The following MEF2B variants were observed in gnomAD, a reference collection of about 807,000 sequenced individuals.
MEF2B encodes myocyte-specific enhancer factor 2B.
A neutral mutation model predicts 32.2 loss-of-function variants in MEF2B; 15 were observed. That is an observed-to-expected ratio of 0.47 (90% CI 0.31 to 0.72). The LOEUF (loss-of-function observed/expected upper bound fraction) is 0.72, where lower values mean the gene tolerates loss of function less well. Among genes scored for constraint, MEF2B ranks in the 30% least tolerant of loss-of-function variants. MEF2B has a pLI of 0.05. For synonymous variants in MEF2B, 205 were observed against 225.6 expected (o/e 0.91, Z 0.82); for missense variants, 441 against 511.5 (o/e 0.86, Z 1.33).
chr19:19,155,232 C>T (rs2060112313), intron 1 of MEF2B, among the ~76,000 whole-genome samples: 1 of 152,176 alleles, frequency 6.6e-6, no homozygotes, highest in African/African-American at 2.4e-5. Flanking sequence ...CAGCTCTTGC[C>T]TACTTCTCTC....
At position 19,153,072 on chromosome 19, in the gene MEF2B, T is replaced by C. The variant is rs137986276; in HGVS notation, c.-29-2308A>G. ...CCTGGGGGGTGGACGGGGGCCTTGG[T>C]CCGGAGGTCCCAGGGCCAAGATGAC... On this transcript the variant is annotated intron_variant, in intron 1 of 8. Transcript: ENST00000424583. Among the ~76,000 whole-genome samples, 9 of 152,224 alleles carry C rather than the reference T, an allele frequency of 5.9e-5. No homozygotes were observed. The East Asian group carries it at 1.7e-3, about 29-fold the overall frequency.
intron 1 of MEF2B, among the ~76,000 whole-genome samples, chr19:19,155,938 AGAGGTGGACCTATT>A (rs1173442831): frequency 2.0e-5 from 3 of 152,234 alleles, no homozygotes; most frequent in Admixed American, 6.5e-5. Flanking sequence ...GCAGAAGCAC[AGAGGTGGACCTATT>A]GACCAAGGAA....
chr19:19,150,319 G>C (rs1327398461), intron 2 of MEF2B, among the ~76,000 whole-genome samples: 6 of 151,788 alleles, frequency 4.0e-5, no homozygotes, highest in Admixed American at 6.6e-5. Context: ...CACGAGGTCA[G>C]GAGTTCGAGA....
At chr19:19,150,386 G>C (rs2060067226) in intron 2 of MEF2B, among the ~76,000 whole-genome samples, 2 of 151,938 alleles carry the variant, frequency 1.3e-5, no homozygotes, top group Admixed American at 1.3e-4. Flanking sequence ...AATTAGCTGG[G>C]CTTGGTGGTG....
Position 19,167,397 on chromosome 19 carries a change from G to C in MEF2B, c.-30+2808C>G, listed in dbSNP as rs986254735. On this transcript the variant is annotated intron_variant, in intron 1 of 8. Transcript: ENST00000424583. ...ATTAGCTGGGTGTGCTGGTGTGAGC[G>C]CGTATTCCTAGCTCCTCAGGAGGCT... Among the ~76,000 whole-genome samples, 3 of 150,510 alleles carry C rather than the reference G, an allele frequency of 2.0e-5. No homozygotes were observed. In the East Asian group the frequency reaches 5.8e-4, roughly 29 times the overall value.
rs762452595 is a variant in MEF2B, at chr19:19,146,550, T to G, written c.769+5A>C. ...AGGTGGGGCAGGGCAGGTTAGGGGA[T>G]GTACCTGGGGGGCCTCCGGGGAGGA... On this transcript the variant is annotated splice_donor_5th_base_variant and intron_variant, in intron 7 of 8. Coordinates refer to ENST00000424583, the MANE Select transcript of MEF2B (RefSeq NM_001145785.2). The G allele has an allele frequency of 1.3e-6, 2 of 1,550,542 alleles. No individual in the cohort carries two copies. Among genetic ancestry groups the G allele is most frequent in the East Asian group, 4.8e-5 (2 of 42,046 alleles).
chr19:19,158,459 A>C (rs929057111), intron 1 of MEF2B, among the ~76,000 whole-genome samples: 35 of 150,926 alleles, frequency 2.3e-4, no homozygotes, highest in East Asian at 1.4e-3. Flanking sequence ...AAAAAAAAAA[A>C]AAACAAACTA....
chr19:19,145,883 A>G lies in MEF2B; in HGVS notation c.1021T>C (p.Leu341=). The G allele has an allele frequency of 6.8e-7, 1 of 1,469,112 alleles. No individual in the cohort carries two copies. Among genetic ancestry groups the G allele is most frequent in the South Asian group, 1.4e-5 (1 of 72,344 alleles). 91.0% of individuals were successfully genotyped at this position (1,469,112 alleles called of 1,614,324 possible). A position where few individuals can be genotyped will look rare whatever the true frequency, so the allele number is the denominator to read the frequency against. The part of the protein sequence containing the change: ...GDFPKTFPYP[L]LLARSLAEPL... Reference sequence around the variant, plus strand: ...TCTGCCAGGGACCGGGCGAGGAGCAAGGGATAGGGGAAGGTCTTAGGAAAG... The same window carrying G: ...TCTGCCAGGGACCGGGCGAGGAGCAGGGGATAGGGGAAGGTCTTAGGAAAG... The change falls in exon 9 of 9, where the codon TTG becomes CTG. Residue 341 remains leucine (L), a synonymous_variant. Transcript: ENST00000424583. This position sits in a 1 kb window ranked among gnomAD's most constrained non-coding sequence, Gnocchi z 4.6.
intron 3 of MEF2B, among the ~76,000 whole-genome samples, chr19:19,148,389 C>T (rs1232491259): frequency 6.6e-6 from 1 of 152,150 alleles, no homozygotes; most frequent in African/African-American, 2.4e-5. Flanking sequence ...CACTTGAATC[C>T]GAGAGGCGGA....
chr19:19,169,395 G>C (rs1355318790), intron 1 of MEF2B, among the ~76,000 whole-genome samples: 1 of 151,958 alleles, frequency 6.6e-6, no homozygotes, highest in Non-Finnish European at 1.5e-5. Context: ...AGAAAATGGG[G>C]GTCTCACTAT....
intron 2 of MEF2B, 100 bp downstream of exon 2, chr19:19,150,582 C>T (rs1188145079): frequency 3.9e-5 from 56 of 1,453,968 alleles, no homozygotes; most frequent in Non-Finnish European, 5.3e-5. Flanking sequence ...CATGCCTCCT[C>T]ATTCCCCTGC....
chr19:19,147,383 C>T lies in MEF2B; in HGVS notation c.394-200G>A, dbSNP rs758588849. On this transcript the variant is annotated intron_variant, in intron 4 of 8. Coordinates refer to ENST00000424583, the MANE Select transcript of MEF2B (RefSeq NM_001145785.2). ...GGAGCTTCTGTCTGGCTCTGCCTGTCCTTGACAGGTAGGTCCAGAGCCAAG... is the reference window on the plus strand; with the variant it reads ...GGAGCTTCTGTCTGGCTCTGCCTGTTCTTGACAGGTAGGTCCAGAGCCAAG... Among the ~76,000 whole-genome samples the T allele has an allele frequency of 2.5e-4, 33 of 133,548 alleles. 8 individuals are homozygous for T. The highest frequency in any genetic ancestry group is 5.0e-4 in the Non-Finnish European group (30 of 60,298). 87.6% of individuals were successfully genotyped at this position (133,548 alleles called of 152,430 possible). A position where few individuals can be genotyped will look rare whatever the true frequency, so the allele number is the denominator to read the frequency against.
intron 2 of MEF2B, among the ~76,000 whole-genome samples, chr19:19,150,157 AGGG>A: frequency 9.7e-6 from 1 of 102,864 alleles, no homozygotes; most frequent in African/African-American, 3.8e-5. Flanking sequence ...GGAGGGAAGG[AGGG>A]AGGGAGGGAA....
chr19:19,146,256 C>G lies in MEF2B; in HGVS notation c.881+17G>C. ...GCTTTGGAGGACTGGGACTTGCCGT[C>G]GTCTCAGGGCACTTACCTGGGCTGG... On this transcript the variant is annotated intron_variant, in intron 8 of 8. Transcript: ENST00000424583. The G allele has an allele frequency of 8.6e-7, 1 of 1,162,894 alleles. No homozygotes were observed. Among genetic ancestry groups the G allele is most frequent in the Non-Finnish European group, 1.1e-6 (1 of 883,050 alleles). The allele number at this position is 1,162,894 out of a possible 1,614,324, so 72.0% of individuals were successfully genotyped here.
At chr19:19,153,791 C>A (rs947800258) in intron 1 of MEF2B, among the ~76,000 whole-genome samples, 20 of 152,072 alleles carry the variant, frequency 1.3e-4, no homozygotes, top group Admixed American at 1.3e-3. Flanking sequence ...TGCTCTGTTG[C>A]CCAGGCTGGA....
chr19:19,163,303 G>A (rs772584996), intron 1 of MEF2B, among the ~76,000 whole-genome samples: 39 of 151,958 alleles, frequency 2.6e-4, no homozygotes, highest in Admixed American at 4.6e-4. Flanking sequence ...GTAGCACGGC[G>A]CCACACCTAG....
intron 1 of MEF2B, among the ~76,000 whole-genome samples, chr19:19,160,616 C>G (rs2060152916): frequency 3.8e-5 from 1 of 26,328 alleles, no homozygotes; most frequent in Non-Finnish European, 7.3e-5. Flanking sequence ...AAGTGAGAGG[C>G]AGGTGGGTTG....
chr19:19,147,875 C>A (rs764851918), intron 3 of MEF2B, 43 bp from the exon 4 acceptor site: 1 of 1,585,682 alleles, frequency 6.3e-7, no homozygotes, highest in East Asian at 2.3e-5. Context: ...TACCCCTACC[C>A]CACCCAGGGA....
intron 1 of MEF2B, among the ~76,000 whole-genome samples, chr19:19,161,623 C>T (rs771447484): frequency 6.6e-6 from 1 of 151,904 alleles, no homozygotes; most frequent in African/African-American, 2.4e-5. Context: ...TCTCCCTAAA[C>T]ACATGGCCGT....
Sources: gnomAD v4.1 joint callset for allele counts (sites outside exome capture counted in the v4.1 genomes callset) on GRCh38, gnomAD v4.1.1 for gene constraint, Gnocchi (gnomAD v3.1) non-coding constraint, MANE v1.5 for transcripts, NCBI Gene and HGNC (gene_info 2026-07-23, HGNC 2026-07-21) for gene names.